Variants in POLA2 observed in about 807,000 individuals in gnomAD.
POLA2 encodes the protein DNA polymerase alpha 2, accessory subunit, also known as DNA polymerase alpha subunit B.
A neutral mutation model predicts 82.8 loss-of-function variants in POLA2; 47 were observed. That is an observed-to-expected ratio of 0.57 (90% CI 0.45 to 0.72). The LOEUF (loss-of-function observed/expected upper bound fraction) is 0.72. Among genes scored for constraint, POLA2 ranks in the 30% least tolerant of loss-of-function variants. POLA2 has a pLI of 0.00. For synonymous variants in POLA2, 287 were observed against 286.8 expected (o/e 1.00, Z -0.01); for missense variants, 634 against 728.1 (o/e 0.87, Z 1.49).
chr11:65,274,393 G>T (rs1357993527), intron 4 of POLA2, among the ~76,000 whole-genome samples: 1 of 149,238 alleles, frequency 6.7e-6, no homozygotes, highest in African/African-American at 2.5e-5. Context: ...AAGGGAAAAA[G>T]ATTGGGTCAG....
At chr11:65,293,739 C>T (rs944725914) in intron 13 of POLA2, among the ~76,000 whole-genome samples, 1 of 152,138 alleles carries the variant, frequency 6.6e-6, no homozygotes, top group Non-Finnish European at 1.5e-5. Context: ...GCAGGCTACA[C>T]CTGCTTAGAA....
chr11:65,288,427 A>C (rs1256323766), intron 11 of POLA2, among the ~76,000 whole-genome samples: 3 of 151,604 alleles, frequency 2.0e-5, no homozygotes, highest in Non-Finnish European at 2.9e-5. Context: ...TCAAAATACT[A>C]TTATTAGTAT....
chr11:65,280,371 G>A (rs559484426), intron 7 of POLA2: 1 of 152,394 alleles, frequency 6.6e-6, no homozygotes, highest in East Asian at 1.9e-4. Flanking sequence ...AATTAATAAA[G>A]AACTTCCTGT....
chr11:65,279,484 T>C, intron 6 of POLA2, 54 bp from the exon 7 acceptor site: 1 of 1,168,156 alleles, frequency 8.6e-7, no homozygotes, highest in Non-Finnish European at 1.3e-6. Context: ...TTTTCTCTTC[T>C]TGGCAAGTGA....
At position 65,297,289 on chromosome 11, in the gene POLA2, T is replaced by G. The variant is rs765269742; in HGVS notation, c.*20T>G. ...ATCTGAGGCTTCTGTCCTCTGCTGT[T>G]CTCTGCTGTGTGGGCCCTTAAAGTC... is the stretch of plus-strand genomic sequence containing the variant. On this transcript the variant is annotated 3_prime_UTR_variant, in exon 18 of 18. Coordinates refer to ENST00000265465, the MANE Select transcript of POLA2 (RefSeq NM_002689.4). The G allele has an allele frequency of 6.3e-7, 1 of 1,579,336 alleles. No individual in the cohort carries two copies. Among genetic ancestry groups the G allele is most frequent in the Admixed American group, 1.8e-5 (1 of 54,776 alleles).
intron 1 of POLA2, among the ~76,000 whole-genome samples, chr11:65,263,223 T>C (rs980882380): frequency 4.8e-5 from 7 of 146,366 alleles, no homozygotes; most frequent in African/African-American, 1.5e-4. Context: ...TCTCTCTCTT[T>C]TTTTTTTTTT....
chr11:65,269,689 A>G (rs960563941), intron 4 of POLA2, among the ~76,000 whole-genome samples: 3 of 152,236 alleles, frequency 2.0e-5, no homozygotes, highest in Non-Finnish European at 4.4e-5. Flanking sequence ...AATGGTAACT[A>G]TTCTTTATAC....
At chr11:65,302,519 G>T (rs1949864309), downstream of POLA2, among the ~76,000 whole-genome samples, 1 of 152,070 alleles carries the variant, frequency 6.6e-6, no homozygotes, top group South Asian at 2.1e-4. Flanking sequence ...AGCGAATAGG[G>T]GGAAAAGGCA....
chr11:65,302,861 GGGAC>G (rs1445704927), downstream of POLA2, among the ~76,000 whole-genome samples: 2 of 151,930 alleles, frequency 1.3e-5, no homozygotes, highest in Non-Finnish European at 2.9e-5. Flanking sequence ...CTGAGTAGCT[GGGAC>G]CACAGGTGTG....
chr11:65,272,382 A>G (rs1293054278), intron 4 of POLA2, among the ~76,000 whole-genome samples: 1 of 152,172 alleles, frequency 6.6e-6, no homozygotes, highest in Non-Finnish European at 1.5e-5. Flanking sequence ...GACCCTTGTC[A>G]GGTCTTGGGA....
At chr11:65,266,024 G>C (rs897626096) in intron 1 of POLA2, among the ~76,000 whole-genome samples, 10 of 152,136 alleles carry the variant, frequency 6.6e-5, no homozygotes, top group African/African-American at 2.4e-4. Context: ...TGTTCAGCCT[G>C]CTGTCTCCAG....
intron 1 of POLA2, among the ~76,000 whole-genome samples, chr11:65,264,225 G>A (rs1215548926): frequency 3.3e-5 from 5 of 152,028 alleles, no homozygotes; most frequent in Admixed American, 2.6e-4. Flanking sequence ...CCGCCACCAC[G>A]CCCGGCTAAT....
chr11:65,305,707 G>T, downstream of POLA2: 1 of 242,606 alleles, frequency 4.1e-6, no homozygotes, highest in East Asian at 1.4e-4. Context: ...AGACACCACT[G>T]CATGTATCTT....
At chr11:65,305,018 A>C (rs920058286) in intron 8 of POLA2, among the ~76,000 whole-genome samples, 2 of 123,684 alleles carry the variant, frequency 1.6e-5, no homozygotes, top group Non-Finnish European at 3.2e-5. Flanking sequence ...GTAAGCCTGG[A>C]CTGGGCCTGA....
rs186026161 is a variant in POLA2 at position 65,269,921 on chromosome 11, G to T, written c.354+1192G>T. Among the ~76,000 whole-genome samples, 25 of 152,246 alleles carry T rather than the reference G, an allele frequency of 1.6e-4. No homozygotes were observed. In the East Asian group the frequency reaches 4.4e-3, roughly 27 times the overall value. On this transcript the variant is annotated intron_variant, in intron 4 of 17. Coordinates refer to ENST00000265465, the MANE Select transcript of POLA2 (RefSeq NM_002689.4). ...ACGATCTCGGGTCACTGCAACCTCC[G>T]CCTCCCGGGTTCAAGCAATTCTGCC... is the stretch of plus-strand genomic sequence containing the variant.
intron 8 of POLA2, 94 bp downstream of exon 8, chr11:65,281,241 C>A: frequency 7.6e-7 from 1 of 1,322,204 alleles, no homozygotes; most frequent in South Asian, 1.3e-5. Flanking sequence ...CAGTTCCTGT[C>A]TCTGCTGCCA....
rs572260640 is a variant in POLA2, at chr11:65,284,699, G to A, written c.1006+2178G>A. Among the ~76,000 whole-genome samples the A allele has an allele frequency of 1.0e-3, 153 of 152,064 alleles. 1 individual carries two copies. The highest frequency in any genetic ancestry group is 1.4e-3 in the Non-Finnish European group (92 of 67,978). ...CACCTGTAATGCCTGGCTAATTTTTGTATTTTTAGTAGAGATGGGGTTTCT... is the reference window on the plus strand; with the variant it reads ...CACCTGTAATGCCTGGCTAATTTTTATATTTTTAGTAGAGATGGGGTTTCT... On this transcript the variant is annotated intron_variant, in intron 10 of 17. Coordinates refer to ENST00000265465, the MANE Select transcript of POLA2 (RefSeq NM_002689.4).
chr11:65,262,253 G>T lies in POLA2; in HGVS notation c.-40G>T, dbSNP rs781435268. ...GTGGGCTTCTTGGGCGCAGGTCGGAGCTGGGTGGGCCGGCTCCCCGGCCCC... is the reference window on the plus strand; with the variant it reads ...GTGGGCTTCTTGGGCGCAGGTCGGATCTGGGTGGGCCGGCTCCCCGGCCCC... On this transcript the variant is annotated 5_prime_UTR_variant, in exon 1 of 18. Transcript: ENST00000265465. 1 of 1,567,898 alleles carries T rather than the reference G, an allele frequency of 6.4e-7. No homozygotes were observed.
chr11:65,275,337 G>A (rs1394359241), intron 4 of POLA2, among the ~76,000 whole-genome samples: 2 of 149,982 alleles, frequency 1.3e-5, no homozygotes, highest in Admixed American at 1.3e-4. Flanking sequence ...CTCCGTTCTG[G>A]GCTTATCTTT....
Sources: gnomAD v4.1 joint callset for allele counts (sites outside exome capture counted in the v4.1 genomes callset) on GRCh38, gnomAD v4.1.1 for gene constraint, MANE v1.5 for transcripts, NCBI Gene and HGNC (gene_info 2026-07-23, HGNC 2026-07-21) for gene names.